The following MSH3 variants were observed in gnomAD, a reference collection of about 807,000 sequenced individuals.
MSH3 encodes DNA mismatch repair protein Msh3.
In MSH3, 106 loss-of-function variants were observed where a neutral mutation model predicts 123.3. That is an observed-to-expected ratio of 0.86 (90% CI 0.73 to 1.01). MSH3 has a LOEUF of 1.01. MSH3 is among the 50% of genes least tolerant of loss of function. The probability of loss-of-function intolerance (pLI) is 0.00; values close to 1 mark genes in which losing one functional copy is unlikely to be tolerated. For missense variants in MSH3, 1,459 were observed against 1,347.6 expected (o/e 1.08, Z -1.29); for synonymous variants, 515 against 481.4 (o/e 1.07, Z -0.91).
intron 8 of MSH3, among the ~76,000 whole-genome samples, chr5:80,722,996 A>C (rs1014943862): frequency 6.6e-6 from 1 of 152,036 alleles, no homozygotes; most frequent in African/African-American, 2.4e-5. Context: ...AGTCCTAGCT[A>C]CTTGGGGCTG....
At chr5:80,707,280 T>G (rs1284368090) in intron 8 of MSH3, among the ~76,000 whole-genome samples, 1 of 152,278 alleles carries the variant, frequency 6.6e-6, no homozygotes, top group African/African-American at 2.4e-5. Context: ...ATTTACTTGC[T>G]GAACATTTGG....
At chr5:80,843,811 C>G (rs1193757496) in intron 20 of MSH3, among the ~76,000 whole-genome samples, 1 of 151,950 alleles carries the variant, frequency 6.6e-6, no homozygotes, top group Non-Finnish European at 1.5e-5. Context: ...CGTTATTAGT[C>G]TTGCTAGCAG....
At chr5:80,852,061 C>G (rs1478215459) in intron 20 of MSH3, among the ~76,000 whole-genome samples, 1 of 152,174 alleles carries the variant, frequency 6.6e-6, no homozygotes, top group South Asian at 2.1e-4. Context: ...CATGGTGGCT[C>G]ATGCCTGTAA....
chr5:80,846,395 C>T (rs936971064), intron 20 of MSH3, among the ~76,000 whole-genome samples: 7 of 151,938 alleles, frequency 4.6e-5, no homozygotes, highest in African/African-American at 1.2e-4. Flanking sequence ...TGTCCCTTCT[C>T]GGAGGTCGAA....
At chr5:80,827,873 C>G (rs529206447) in intron 20 of MSH3, among the ~76,000 whole-genome samples, 3 of 152,050 alleles carry the variant, frequency 2.0e-5, no homozygotes, top group Non-Finnish European at 4.4e-5. Flanking sequence ...ATGAAGGAGG[C>G]CTTTAGACAC....
intron 19 of MSH3, among the ~76,000 whole-genome samples, chr5:80,806,348 C>T (rs577787863): frequency 5.9e-4 from 90 of 152,114 alleles, no homozygotes; most frequent in African/African-American, 2.0e-3. Flanking sequence ...CTGCCCGCCT[C>T]GGCCTCCCAA....
At chr5:80,754,545 TACTC>T (rs766729025) in intron 12 of MSH3, among the ~76,000 whole-genome samples, 26 of 152,320 alleles carry the variant, frequency 1.7e-4, no homozygotes, top group Non-Finnish European at 3.2e-4. Flanking sequence ...ACTTACCTGT[TACTC>T]ACTCTATAAC....
At chr5:80,718,882 T>C (rs1751017436) in intron 8 of MSH3, among the ~76,000 whole-genome samples, 1 of 152,056 alleles carries the variant, frequency 6.6e-6, no homozygotes, top group Non-Finnish European at 1.5e-5. Context: ...GCAAAGAGAG[T>C]CTCTCCAAGT....
rs779700173 is a variant in MSH3 at position 80,744,505 on chromosome 5, G to C, written c.1654-1G>C. 1 of 1,608,796 alleles carries C rather than the reference G, an allele frequency of 6.2e-7. No individual in the cohort carries two copies. Among genetic ancestry groups the C allele is most frequent in the South Asian group, 1.1e-5 (1 of 90,688 alleles). ...AAAACTTGTTTTCTGGTCTTTCTTA[G>C]ACTGATATGAAAACCAAAGGAAGTT... On this transcript the variant is annotated splice_acceptor_variant, in intron 11 of 23. Transcript: ENST00000265081. LOFTEE classifies it high-confidence loss of function.
chr5:80,806,880 A>G (rs1324518575), intron 19 of MSH3, among the ~76,000 whole-genome samples: 1 of 152,198 alleles, frequency 6.6e-6, no homozygotes, highest in African/African-American at 2.4e-5. Context: ...AGATACAGTC[A>G]GTCCTCACTT....
chr5:80,861,213 T>G (rs1177417496), intron 21 of MSH3, among the ~76,000 whole-genome samples: 1 of 152,208 alleles, frequency 6.6e-6, no homozygotes, highest in African/African-American at 2.4e-5. Flanking sequence ...ACTTTTAGTA[T>G]GTCTTGCGAC....
chr5:80,709,207 A>G (rs902807022), intron 8 of MSH3, among the ~76,000 whole-genome samples: 1 of 117,024 alleles, frequency 8.5e-6, no homozygotes, highest in South Asian at 2.9e-4. Flanking sequence ...TATAAAATAG[A>G]TATGTGTGTG....
chr5:80,823,685 T>TTTTTGTTTTG (rs1216499151), intron 20 of MSH3, among the ~76,000 whole-genome samples: 1 of 152,212 alleles, frequency 6.6e-6, no homozygotes, highest in South Asian at 2.1e-4. Context: ...CAGAAATCTT[T>TTTTTGTTTTG]TTTTGTTTTG....
intron 17 of MSH3, among the ~76,000 whole-genome samples, chr5:80,786,887 T>A (rs566966242): frequency 3.4e-4 from 52 of 151,948 alleles, no homozygotes; most frequent in African/African-American, 1.2e-3. Context: ...AATATTATAG[T>A]TTTAAGTAGC....
At chr5:80,702,794 T>G (rs1303240837) in intron 8 of MSH3, among the ~76,000 whole-genome samples, 1 of 152,104 alleles carries the variant, frequency 6.6e-6, no homozygotes, top group Non-Finnish European at 1.5e-5. Context: ...GGTGGATCGC[T>G]TGAGCTCAGG....
intron 20 of MSH3, among the ~76,000 whole-genome samples, chr5:80,833,684 G>A (rs531667695): frequency 6.5e-4 from 99 of 152,262 alleles, no homozygotes; most frequent in Middle Eastern, 3.4e-3. Flanking sequence ...CTCATGATCC[G>A]CCCACGTCAG....
chr5:80,679,082 C>G lies in MSH3; in HGVS notation c.1329C>G (p.Ala443=). 6.2e-7 allele frequency: 1 copy of G among 1,614,012 alleles called. No individual in the cohort carries two copies. The highest frequency in any genetic ancestry group is 8.5e-7 in the Non-Finnish European group (1 of 1,179,986). ...AAACAGAGGCGCTCATCCACAGAGC[C>G]ACATCTGTTAGGTAAGTTGGCACAT... ...SEQTEALIHR[A]TSVSVQDDRI... Residue 443 remains alanine, a synonymous_variant, in exon 8 of 24, where the codon GCC becomes GCG. Coordinates refer to ENST00000265081, the MANE Select transcript of MSH3 (RefSeq NM_002439.5).
At chr5:80,762,794 TG>T (rs1460791062) in intron 13 of MSH3, among the ~76,000 whole-genome samples, 1,538 of 133,858 alleles carry the variant, frequency 0.011, 32 homozygotes, top group African/African-American at 0.041. Context: ...TTTTATTTTA[TG>T]TTATGTTATG....
intron 5 of MSH3, 79 bp from the exon 6 acceptor site, chr5:80,672,662 G>C: frequency 9.0e-7 from 1 of 1,117,028 alleles, no homozygotes; most frequent in East Asian, 2.3e-5. Context: ...TTTCAGAATT[G>C]ACGTTTAAAC....
Sources: allele counts gnomAD v4.1 joint callset (sites outside exome capture counted in the v4.1 genomes callset), GRCh38; gene constraint gnomAD v4.1.1; transcripts MANE v1.5; gene names NCBI Gene and HGNC (gene_info 2026-07-23, HGNC 2026-07-21).